The following EYA4 variants were observed in gnomAD, a reference collection of about 807,000 sequenced individuals.
EYA4 encodes EYA transcriptional coactivator and phosphatase 4, also known as protein phosphatase EYA4.
In EYA4, 31 loss-of-function variants were observed where a neutral mutation model predicts 87.9. The ratio of observed to expected loss-of-function variants is 0.35; its 90% CI spans 0.27 to 0.48. The LOEUF is 0.48. Ranked by LOEUF, EYA4 falls within the 20% of genes least tolerant of loss-of-function variation. EYA4 has a pLI of 0.99. For missense variants in EYA4, 678 were observed against 761.4 expected, an observed-to-expected ratio of 0.89 and a Z score of 1.29; for synonymous variants, 263 against 270.6, an observed-to-expected ratio of 0.97 and a Z score of 0.28.
intron 3 of EYA4, among the ~76,000 whole-genome samples, chr6:133,397,362 C>T (rs139507815): frequency 3.3e-5 from 5 of 152,328 alleles, no homozygotes; most frequent in African/African-American, 1.2e-4. Context: ...GTTTCCAAAA[C>T]GCCTACATTT....
intron 7 of EYA4, 150 bp downstream of exon 7, chr6:133,461,330 G>T: frequency 2.9e-6 from 2 of 687,744 alleles, no homozygotes; most frequent in Admixed American, 4.2e-5. Flanking sequence ...GTATCTTGAT[G>T]ATTCCCTTGA....
chr6:133,313,972 A>T (rs1053605967), intron 2 of EYA4, among the ~76,000 whole-genome samples: 1 of 152,200 alleles, frequency 6.6e-6, no homozygotes, highest in African/African-American at 2.4e-5. Flanking sequence ...CTATGTAATT[A>T]AAAATGGCTG....
intron 2 of EYA4, chr6:133,360,363 C>A (rs542343763): frequency 6.6e-6 from 1 of 152,096 alleles, no homozygotes; most frequent in African/African-American, 2.4e-5. Context: ...GCTCCAGTTT[C>A]GTCATCTGTC....
intron 2 of EYA4, among the ~76,000 whole-genome samples, chr6:133,310,887 C>A (rs1336508353): frequency 6.6e-6 from 1 of 152,102 alleles, no homozygotes. Context: ...TTGAACTTTC[C>A]TTTGTATTAG....
intron 3 of EYA4, among the ~76,000 whole-genome samples, chr6:133,386,781 A>G (rs1437438036): frequency 6.6e-6 from 1 of 152,214 alleles, no homozygotes; most frequent in Non-Finnish European, 1.5e-5. Context: ...AGTAGAATAT[A>G]GTAAGGAGAT....
intron 5 of EYA4, among the ~76,000 whole-genome samples, chr6:133,449,320 G>T (rs1378942792): frequency 6.6e-6 from 1 of 152,148 alleles, no homozygotes; most frequent in Non-Finnish European, 1.5e-5. Context: ...ATTTTCATGT[G>T]TCATGAAATA....
At chr6:133,444,149 T>C (rs891860828) in intron 3 of EYA4, among the ~76,000 whole-genome samples, 1 of 152,262 alleles carries the variant, frequency 6.6e-6, no homozygotes, top group Non-Finnish European at 1.5e-5. Context: ...GCTCCAACTA[T>C]GATCATAGAC....
At chr6:133,448,407 A>T (rs1426841736) in intron 5 of EYA4, among the ~76,000 whole-genome samples, 1 of 151,910 alleles carries the variant, frequency 6.6e-6, no homozygotes, top group Non-Finnish European at 1.5e-5. Context: ...CTTTTCTTAA[A>T]TTTTTCATAA....
intron 13 of EYA4, among the ~76,000 whole-genome samples, chr6:133,484,892 G>A (rs1796556275): frequency 1.3e-5 from 2 of 152,150 alleles, no homozygotes; most frequent in Admixed American, 1.3e-4. Context: ...ATTATCATTA[G>A]CCTTTTAACA....
intron 11 of EYA4, among the ~76,000 whole-genome samples, chr6:133,472,553 A>T (rs1366452124): frequency 1.8e-5 from 1 of 54,940 alleles, no homozygotes; most frequent in African/African-American, 1.1e-4. Flanking sequence ...TGTGGTGCTG[A>T]AAAAAATGTA....
intron 2 of EYA4, among the ~76,000 whole-genome samples, chr6:133,319,549 A>T (rs1780896626): frequency 6.6e-6 from 1 of 150,968 alleles, no homozygotes; most frequent in East Asian, 1.9e-4. Flanking sequence ...ATTTTTAATT[A>T]AACTTTTTTA....
intron 14 of EYA4, among the ~76,000 whole-genome samples, chr6:133,512,202 C>G (rs1048580247): frequency 4.6e-5 from 7 of 152,082 alleles, no homozygotes; most frequent in African/African-American, 1.7e-4. Flanking sequence ...TGAAATAACA[C>G]CAGCATGGTT....
rs1800972541 is a variant in EYA4 at position 133,530,932 on chromosome 6, T to G, written c.*2127T>G. ...ATTTAAATGTTGCCTTGATTATCAGTACTTAATTATGTTGTGCACTAAAAC... is the reference window on the plus strand; with the variant it reads ...ATTTAAATGTTGCCTTGATTATCAGGACTTAATTATGTTGTGCACTAAAAC... On this transcript the variant is annotated 3_prime_UTR_variant, in exon 20 of 20. Coordinates refer to ENST00000355286, the MANE Select transcript of EYA4 (RefSeq NM_004100.5). 3 of 1,169,330 alleles carry G rather than the reference T, an allele frequency of 2.6e-6. No individual in the cohort carries two copies. In the South Asian group the frequency reaches 1.1e-4, roughly 43 times the overall value. The allele number at this position is 1,169,330 out of a possible 1,614,324, so 72.4% of individuals were successfully genotyped here. A position where few individuals can be genotyped will look rare whatever the true frequency, so the allele number is the denominator to read the frequency against.
intron 17 of EYA4, among the ~76,000 whole-genome samples, chr6:133,522,149 T>G (rs1583557405): frequency 4.1e-5 from 6 of 147,702 alleles, no homozygotes; most frequent in Non-Finnish European, 9.0e-5. Flanking sequence ...AAAATTCTGG[T>G]GCATCTACAT....
intron 13 of EYA4, among the ~76,000 whole-genome samples, chr6:133,495,681 G>A (rs1443083734): frequency 6.6e-6 from 1 of 152,092 alleles, no homozygotes; most frequent in East Asian, 1.9e-4. Flanking sequence ...CAGTAAGAAT[G>A]GCCATGCCTT....
intron 3 of EYA4, among the ~76,000 whole-genome samples, chr6:133,415,785 T>C (rs562173305): frequency 2.0e-5 from 3 of 152,286 alleles, no homozygotes; most frequent in East Asian, 3.9e-4. Flanking sequence ...AATTAATTAA[T>C]GTCCAAGGTC....
chr6:133,531,174 C>T lies in EYA4; in HGVS notation c.*2369C>T. The stretch of plus-strand genomic sequence containing the variant: ...CTGGTTGCATCACCCCGTGCAGTTT[C>T]TCACACACATCTCTTTTTCTGATTC... On this transcript the variant is annotated 3_prime_UTR_variant, in exon 20 of 20. Transcript: ENST00000355286. The T allele has an allele frequency of 6.5e-7, 1 of 1,535,018 alleles. No homozygotes were observed.
intron 2 of EYA4, among the ~76,000 whole-genome samples, chr6:133,310,857 A>G (rs1780158637): frequency 6.6e-6 from 1 of 152,206 alleles, no homozygotes; most frequent in South Asian, 2.1e-4. Flanking sequence ...TTCCTAGGAA[A>G]CAACTTCGTG....
chr6:133,467,637 A>C (rs1794965873), intron 10 of EYA4, among the ~76,000 whole-genome samples: 1 of 152,062 alleles, frequency 6.6e-6, no homozygotes, highest in Non-Finnish European at 1.5e-5. Flanking sequence ...ATACATATTT[A>C]CTTATAAAGA....
Sources: allele counts gnomAD v4.1 joint callset (sites outside exome capture counted in the v4.1 genomes callset), GRCh38; gene constraint gnomAD v4.1.1; transcripts MANE v1.5; gene names NCBI Gene and HGNC (gene_info 2026-07-23, HGNC 2026-07-21).